The following BDP1 variants were observed in gnomAD, a reference collection of about 807,000 sequenced individuals.
BDP1 encodes the protein BDP1 general transcription factor IIIB subunit, also known as transcription factor TFIIIB component B'' homolog.
BDP1 carries 169 observed loss-of-function variants against 266.6 expected under a neutral mutation model. That is an observed-to-expected ratio of 0.63 (90% CI 0.56 to 0.72). The LOEUF is 0.72. BDP1 is among the 30% of genes least tolerant of loss of function. The pLI is 0.00. For synonymous variants in BDP1, 1,090 were observed against 1,022.4 expected, an observed-to-expected ratio of 1.07 and a Z score of -1.26; for missense variants, 3,015 against 3,053.8, an observed-to-expected ratio of 0.99 and a Z score of 0.30.
downstream of BDP1, among the ~76,000 whole-genome samples, chr5:71,570,219 T>G (rs1744222612): frequency 2.0e-5 from 3 of 152,348 alleles, no homozygotes; most frequent in African/African-American, 7.2e-5. Context: ...GAAATCAGTA[T>G]AATTTCAGAG....
intron 6 of BDP1, among the ~76,000 whole-genome samples, chr5:71,469,237 C>G (rs543039538): frequency 6.6e-6 from 1 of 152,054 alleles, no homozygotes; most frequent in South Asian, 2.1e-4. Context: ...CTCCTAGGTT[C>G]AGGTGATTCT....
chr5:71,572,649 T>C (rs1281534264), downstream of BDP1, among the ~76,000 whole-genome samples: 1 of 152,220 alleles, frequency 6.6e-6, no homozygotes, highest in Admixed American at 6.5e-5. Flanking sequence ...AACAAACTGG[T>C]GCTCGGGTTC....
At chr5:71,488,100 T>C (rs1337160739) in intron 9 of BDP1, among the ~76,000 whole-genome samples, 2 of 152,202 alleles carry the variant, frequency 1.3e-5, no homozygotes, top group African/African-American at 4.8e-5. Flanking sequence ...GGTGATAACA[T>C]GAGTAACTCA....
intron 7 of BDP1, among the ~76,000 whole-genome samples, chr5:71,480,005 C>T (rs958636390): frequency 9.9e-5 from 15 of 151,932 alleles, no homozygotes; most frequent in Admixed American, 3.3e-4. Context: ...AGTATAGTGG[C>T]GTGATCTTGG....
intron 2 of BDP1, among the ~76,000 whole-genome samples, chr5:71,459,493 T>C (rs776240789): frequency 1.1e-4 from 16 of 152,148 alleles, no homozygotes; most frequent in Non-Finnish European, 1.6e-4. Flanking sequence ...GCCTGGGTGA[T>C]AGAGTGAAAC....
intron 7 of BDP1, among the ~76,000 whole-genome samples, chr5:71,475,154 G>A (rs891057219): frequency 1.3e-5 from 2 of 151,838 alleles, no homozygotes; most frequent in Non-Finnish European, 2.9e-5. Context: ...GCATGATTAC[G>A]GCTCACTGCA....
chr5:71,574,721 T>C, the BDP1 span, among the ~76,000 whole-genome samples: 15 of 152,216 alleles, frequency 9.9e-5, no homozygotes, highest in Non-Finnish European at 2.1e-4. Context: ...ATCTTTGGGT[T>C]TTTGAACTGG....
At chr5:71,486,154 T>C (rs1350496963) in intron 8 of BDP1, among the ~76,000 whole-genome samples, 2 of 152,224 alleles carry the variant, frequency 1.3e-5, no homozygotes, top group Admixed American at 6.5e-5. Context: ...TTCCCTCATA[T>C]TATTGCATGT....
At chr5:71,495,121 G>A (rs1231155388) in intron 11 of BDP1, 129 bp from the exon 12 acceptor site, 1 of 492,286 alleles carries the variant, frequency 2.0e-6, no homozygotes, top group East Asian at 3.3e-5. Context: ...GTAGCAGTTT[G>A]TATTACTCTA....
Position 71,562,493 on chromosome 5 carries a change from T to G in BDP1, c.7716T>G (p.Ser2572=). Residue 2572 remains serine, a synonymous_variant, in exon 38 of 39, where the codon TCT becomes TCG. Transcript: ENST00000358731. ...CTCCAAGTGTTATTACTACTCAATCTGAGAATATTAGCAGCTCAGCAACTC... is the reference window on the plus strand; with the variant it reads ...CTCCAAGTGTTATTACTACTCAATCGGAGAATATTAGCAGCTCAGCAACTC... The part of the protein sequence containing the change: ...LPSPSVITTQ[S]ENISSSATQV... The G allele has an allele frequency of 6.2e-7, 1 of 1,613,846 alleles. No individual in the cohort carries two copies. The highest frequency in any genetic ancestry group is 2.2e-5 in the East Asian group (1 of 44,850).
chr5:71,480,922 G>A (rs1324497633), intron 7 of BDP1, among the ~76,000 whole-genome samples: 3 of 152,132 alleles, frequency 2.0e-5, no homozygotes, highest in Non-Finnish European at 4.4e-5. Flanking sequence ...CATGCCTGTA[G>A]TCCCAACACT....
At chr5:71,489,730 A>C (rs750501134) in intron 10 of BDP1, 48 bp downstream of exon 10, 4 of 1,485,770 alleles carry the variant, frequency 2.7e-6, no homozygotes, top group Non-Finnish European at 3.6e-6. Context: ...TTGAGAAGAC[A>C]TGTACAGTAA....
downstream of BDP1, among the ~76,000 whole-genome samples, chr5:71,570,154 AC>A (rs1400219922): frequency 1.3e-5 from 2 of 152,116 alleles, no homozygotes; most frequent in Non-Finnish European, 2.9e-5. Flanking sequence ...CTTTCACGCA[AC>A]CTCCATTAGC....
At position 71,565,726 on chromosome 5, in the gene BDP1, T is replaced by G. The variant is rs1743988908; in HGVS notation, c.*841T>G. On this transcript the variant is annotated 3_prime_UTR_variant, in exon 39 of 39. Coordinates refer to ENST00000358731, the MANE Select transcript of BDP1 (RefSeq NM_018429.3). ...AACATGTAGTTAAGGGACACGTGAC[T>G]ATATGTGAAAACAAATTGTCAAACT... 6.5e-6 allele frequency: 1 copy of G among 154,452 alleles called. No homozygotes were observed. The highest frequency in any genetic ancestry group is 6.5e-5 in the Admixed American group (1 of 15,354). The allele number at this position is 154,452 out of a possible 1,614,324, so 9.6% of individuals were successfully genotyped here.
At position 71,489,605 on chromosome 5, in the gene BDP1, C is replaced by T. The variant is rs1561699814; in HGVS notation, c.1415C>T (p.Ala472Val). 8 of 1,614,044 alleles carry T rather than the reference C, an allele frequency of 5.0e-6. No homozygotes were observed. Among genetic ancestry groups the T allele is most frequent in the Non-Finnish European group, 6.8e-6 (8 of 1,179,940 alleles). ...KKRRRKKQDG[A>V]NELGVNNLLE... is the part of the protein sequence containing the mutation. ...AGAAGGAGGAAGAAGCAAGATGGAG[C>T]TAATGAACTGGGAGTAAACAATCTT... The change falls in exon 10 of 39, where the codon GCT becomes GTT. Residue 472 changes from alanine (A) to valine (V), a missense_variant. By Grantham distance (64) the Ala-to-Val change is moderately conservative. Coordinates refer to ENST00000358731, the MANE Select transcript of BDP1 (RefSeq NM_018429.3).
At chr5:71,551,990 C>T (rs1742814429) in intron 34 of BDP1, among the ~76,000 whole-genome samples, 1 of 147,826 alleles carries the variant, frequency 6.8e-6, no homozygotes, top group African/African-American at 2.5e-5. Context: ...GGCGGCTGGC[C>T]TGGCGAGGGC....
At chr5:71,544,987 A>G in intron 31 of BDP1, 52 bp from the exon 32 acceptor site, 1 of 1,569,386 alleles carries the variant, frequency 6.4e-7, no homozygotes, top group Non-Finnish European at 8.7e-7. Context: ...TCTAAAAATA[A>G]TTCCATGATT....
At chr5:71,489,353 A>G (rs771262757) in intron 9 of BDP1, 51 bp from the exon 10 acceptor site, 11 of 1,426,264 alleles carry the variant, frequency 7.7e-6, no homozygotes, top group Non-Finnish European at 9.5e-6. Context: ...CACCTTTACA[A>G]ATTTTTCTTT....
chr5:71,523,463 A>G (rs1283293812), intron 24 of BDP1, among the ~76,000 whole-genome samples: 3 of 151,964 alleles, frequency 2.0e-5, no homozygotes, highest in African/African-American at 7.3e-5. Context: ...ACAGGCGTGC[A>G]CCACCGTGCC....
Sources: gnomAD v4.1 joint callset for allele counts (sites outside exome capture counted in the v4.1 genomes callset) on GRCh38, gnomAD v4.1.1 for gene constraint, MANE v1.5 for transcripts, NCBI Gene and HGNC (gene_info 2026-07-23, HGNC 2026-07-21) for gene names.